The following SOX5 variants were observed in gnomAD, a reference collection of about 807,000 sequenced individuals.
SOX5 encodes the protein SRY-box transcription factor 5.
SOX5 carries 9 observed loss-of-function variants against 92.0 expected under a neutral mutation model. The observed-to-expected ratio is 0.10, with a 90% CI of 0.06 to 0.17. SOX5 has a LOEUF of 0.17. Among genes scored for constraint, SOX5 ranks in the 10% least tolerant of loss-of-function variants. The pLI is 1.00. For synonymous variants in SOX5, 344 were observed against 336.3 expected (o/e 1.02, Z -0.25); for missense variants, 642 against 944.5 (o/e 0.68, Z 4.20).
At chr12:24,191,871 T>C (rs953731982) in intron 4 of SOX5, among the ~76,000 whole-genome samples, 5 of 152,222 alleles carry the variant, frequency 3.3e-5, no homozygotes, top group Non-Finnish European at 7.3e-5. Context: ...GAGGCAGTGA[T>C]ACTGCTCTGG....
chr12:24,137,655 A>T (rs189625465), intron 4 of SOX5, among the ~76,000 whole-genome samples: 1 of 152,032 alleles, frequency 6.6e-6, no homozygotes, highest in Non-Finnish European at 1.5e-5. Flanking sequence ...AAAAACAAAA[A>T]CAAAACAAAA....
rs751811363 is a variant in SOX5, at chr12:24,125,166, A to T, written c.-2+88177T>A. On this transcript the variant is annotated intron_variant, in intron 4 of 4. Transcript: ENST00000446891. ...AAACTTCTGTGTATGAATTTATTAC[A>T]TAGGCCAAACTTTCCCTAAAGGAGG... Among the ~76,000 whole-genome samples, 3 of 152,234 alleles carry T rather than the reference A, an allele frequency of 2.0e-5. No homozygotes were observed. The South Asian group carries it at 6.2e-4, about 32-fold the overall frequency.
intron 2 of SOX5, among the ~76,000 whole-genome samples, chr12:23,875,875 G>C (rs1399375895): frequency 6.6e-6 from 1 of 152,116 alleles, no homozygotes; most frequent in Non-Finnish European, 1.5e-5. Flanking sequence ...TTCTGTGAAA[G>C]GTAATATAGA....
chr12:23,557,518 A>G (rs1945389880), intron 11 of SOX5, among the ~76,000 whole-genome samples: 1 of 152,246 alleles, frequency 6.6e-6, no homozygotes, highest in African/African-American at 2.4e-5. Context: ...TTTGTGAGTG[A>G]CATCTGTTTT....
chr12:24,065,030 A>G (rs1234730749), intron 4 of SOX5, among the ~76,000 whole-genome samples: 1 of 152,234 alleles, frequency 6.6e-6, no homozygotes, highest in African/African-American at 2.4e-5. Context: ...CTTTTATTCC[A>G]AAATAAAATT....
intron 1 of SOX5, among the ~76,000 whole-genome samples, chr12:24,547,790 A>T (rs1276558101): frequency 1.3e-5 from 2 of 152,210 alleles, no homozygotes; most frequent in African/African-American, 4.8e-5. Flanking sequence ...CCAATAACAA[A>T]TAACCAGTTT....
chr12:24,459,982 A>G (rs1319361237), intron 1 of SOX5, among the ~76,000 whole-genome samples: 2 of 152,204 alleles, frequency 1.3e-5, no homozygotes, highest in East Asian at 3.8e-4. Context: ...AAGATTTCTG[A>G]GCATATTTTC....
Position 24,285,959 on chromosome 12 carries a change from C to T in SOX5, c.-173-8647G>A, listed in dbSNP as rs560123065. Reference sequence around the variant, plus strand: ...AATCATATAGCTACATGAAGACATCCTCATCAAATTTGAACTAGAATCTGT... The same window carrying T: ...AATCATATAGCTACATGAAGACATCTTCATCAAATTTGAACTAGAATCTGT... On this transcript the variant is annotated intron_variant, in intron 2 of 4. Transcript: ENST00000446891. Among the ~76,000 whole-genome samples the T allele has an allele frequency of 1.6e-3, 238 of 152,210 alleles. 2 individuals carry two copies. Among genetic ancestry groups the T allele is most frequent in the African/African-American group, 5.2e-3 (216 of 41,534 alleles).
chr12:24,106,806 TAATAA>T (rs1946737440), intron 4 of SOX5, among the ~76,000 whole-genome samples: 1 of 134,484 alleles, frequency 7.4e-6, no homozygotes, highest in African/African-American at 2.8e-5. Flanking sequence ...ATAATAATAA[TAATAA>T]TAATAATAAT....
chr12:24,051,777 G>A (rs989684498), intron 4 of SOX5, among the ~76,000 whole-genome samples: 12 of 152,240 alleles, frequency 7.9e-5, no homozygotes, highest in Middle Eastern at 3.4e-3. Context: ...CCAACTTCCC[G>A]TATTTCTAGC....
chr12:23,747,048 C>CTTT, intron 4 of SOX5, among the ~76,000 whole-genome samples: 1 of 152,160 alleles, frequency 6.6e-6, no homozygotes, highest in Middle Eastern at 3.4e-3. Context: ...CATTAAATCT[C>CTTT]TTTCTTTTGT....
At chr12:23,699,014 C>T (rs2090264177) in intron 6 of SOX5, among the ~76,000 whole-genome samples, 3 of 152,248 alleles carry the variant, frequency 2.0e-5, no homozygotes, top group South Asian at 4.1e-4. Context: ...TCCAAAGGTT[C>T]CTTACCTGGC....
chr12:24,076,943 T>G (rs1942698701), intron 4 of SOX5, among the ~76,000 whole-genome samples: 1 of 152,116 alleles, frequency 6.6e-6, no homozygotes, highest in South Asian at 2.1e-4. Context: ...ATTACAATAC[T>G]ATTATCCAAG....
chr12:23,740,727 G>T, intron 5 of SOX5, 140 bp downstream of exon 5: 1 of 699,710 alleles, frequency 1.4e-6, no homozygotes, highest in Non-Finnish European at 2.2e-6. Context: ...GTTTTGTTTT[G>T]CTTTTTTGGC....
At chr12:24,286,640 T>G (rs768784616) in intron 2 of SOX5, among the ~76,000 whole-genome samples, 3 of 152,152 alleles carry the variant, frequency 2.0e-5, no homozygotes, top group Non-Finnish European at 4.4e-5. Flanking sequence ...TGGGCTCAGG[T>G]GATCTTCCTG....
intron 3 of SOX5, among the ~76,000 whole-genome samples, chr12:23,838,834 CT>C (rs1245666102): frequency 3.7e-5 from 2 of 54,238 alleles, no homozygotes; most frequent in Admixed American, 2.8e-4. Flanking sequence ...CCCAGTAGTT[CT>C]TTTTTTTTGG....
chr12:23,640,002 A>T (rs2079830257), intron 8 of SOX5, among the ~76,000 whole-genome samples: 1 of 152,212 alleles, frequency 6.6e-6, no homozygotes, highest in East Asian at 1.9e-4. Flanking sequence ...TGTGTCTTTC[A>T]GGTTAACTTC....
At chr12:23,897,968 T>C (rs574089072) in intron 1 of SOX5, among the ~76,000 whole-genome samples, 6 of 152,166 alleles carry the variant, frequency 3.9e-5, no homozygotes, top group East Asian at 1.9e-4. Context: ...TGGAGAAGCA[T>C]GTGAGGAGCT....
At chr12:23,596,602 A>G (rs1293526975) in intron 9 of SOX5, among the ~76,000 whole-genome samples, 1 of 152,224 alleles carries the variant, frequency 6.6e-6, no homozygotes, top group Admixed American at 6.5e-5. Context: ...TTGATTATTG[A>G]CAGCTCCAAA....
Sources: gnomAD v4.1 joint callset for allele counts (sites outside exome capture counted in the v4.1 genomes callset) on GRCh38, gnomAD v4.1.1 for gene constraint, MANE v1.5 for transcripts, NCBI Gene and HGNC (gene_info 2026-07-23, HGNC 2026-07-21) for gene names.